GABRA1: variants seen among roughly 807,000 people sequenced by gnomAD.
GABRA1 encodes the protein gamma-aminobutyric acid receptor subunit alpha-1.
In GABRA1, 9 loss-of-function variants were observed where a neutral mutation model predicts 48.9. That is an observed-to-expected ratio of 0.18 (90% confidence interval 0.11 to 0.32). The LOEUF (loss-of-function observed/expected upper bound fraction) is 0.32, where lower values mean the gene tolerates loss of function less well. Ranked by LOEUF, GABRA1 falls within the 10% of genes least tolerant of loss-of-function variation. GABRA1 has a pLI of 1.00. For synonymous variants in GABRA1, 210 were observed against 198.7 expected (o/e 1.06, Z -0.48); for missense variants, 285 against 553.8 (o/e 0.51, Z 4.87).
At chr5:161,858,788 C>T (rs1757746182) in intron 3 of GABRA1, among the ~76,000 whole-genome samples, 1 of 151,704 alleles carries the variant, frequency 6.6e-6, no homozygotes, top group South Asian at 2.1e-4. Flanking sequence ...CCTCTCTCTC[C>T]CTGTTAATGG....
At chr5:161,895,609 A>C (rs956124910) in intron 8 of GABRA1, 57 bp from the exon 9 acceptor site, 2 of 1,458,632 alleles carry the variant, frequency 1.4e-6, no homozygotes, top group African/African-American at 2.8e-5. Flanking sequence ...CTGTCCCATC[A>C]TGATGAAATT....
chr5:161,849,193 A>T (rs1332671924), intron 1 of GABRA1, among the ~76,000 whole-genome samples: 1 of 152,170 alleles, frequency 6.6e-6, no homozygotes, highest in African/African-American at 2.4e-5. Context: ...TCTTTTAAAA[A>T]TGTCAGAAGA....
intron 3 of GABRA1, among the ~76,000 whole-genome samples, chr5:161,862,270 C>A (rs1431400803): frequency 2.0e-5 from 3 of 151,850 alleles, no homozygotes; most frequent in African/African-American, 7.2e-5. Flanking sequence ...TCCCACCTAC[C>A]TCTAGATTGT....
chr5:161,880,588 T>C (rs896300151), intron 6 of GABRA1, among the ~76,000 whole-genome samples: 7 of 152,204 alleles, frequency 4.6e-5, no homozygotes, highest in Non-Finnish European at 7.3e-5. Context: ...AACCACTAAA[T>C]TTTTAGTTCA....
Position 161,898,918 on chromosome 5 carries a change from T to C in GABRA1, c.*1496T>C, listed in dbSNP as rs558722133. 2 of 152,686 alleles carry C rather than the reference T, an allele frequency of 1.3e-5. No homozygotes were observed. The highest frequency in any genetic ancestry group is 4.8e-5 in the African/African-American group (2 of 41,580). The allele number at this position is 152,686 out of a possible 1,614,324, so 9.5% of individuals were successfully genotyped here. A position where few individuals can be genotyped will look rare whatever the true frequency, so the allele number is the denominator to read the frequency against. ...CATTTATACTGTAGCAATATATTTG[T>C]AGGTATACTATGTAAGGGCTTTAAA... is the stretch of plus-strand genomic sequence containing the variant. On this transcript the variant is annotated 3_prime_UTR_variant, in exon 10 of 10. Coordinates refer to ENST00000393943, the MANE Select transcript of GABRA1 (RefSeq NM_001127644.2).
chr5:161,893,830 AT>A (rs1414160756), intron 8 of GABRA1, among the ~76,000 whole-genome samples: 2 of 152,230 alleles, frequency 1.3e-5, no homozygotes, highest in Non-Finnish European at 2.9e-5. Flanking sequence ...AATAAAAAAA[AT>A]ATACATTGTC....
chr5:161,862,414 T>C (rs1016165882), intron 3 of GABRA1, among the ~76,000 whole-genome samples: 5 of 151,872 alleles, frequency 3.3e-5, no homozygotes, highest in African/African-American at 1.2e-4. Flanking sequence ...ATTTTTTTCC[T>C]CTCCTTAATG....
At chr5:161,850,913 GA>G in intron 2 of GABRA1, 29 bp downstream of exon 2, 1 of 1,565,614 alleles carries the variant, frequency 6.4e-7, no homozygotes, top group Non-Finnish European at 8.8e-7. Context: ...AAATCTGCAT[GA>G]AAATTTCTGT....
chr5:161,873,159 G>T lies in GABRA1; in HGVS notation c.298G>T (p.Glu100Ter). 1 of 1,613,720 alleles carries T rather than the reference G, an allele frequency of 6.2e-7. No homozygotes were observed. Among genetic ancestry groups the T allele is most frequent in the Non-Finnish European group, 8.5e-7 (1 of 1,179,692 alleles). Reference sequence around the variant, plus strand: ...ATTTTTCCGTCAAAGCTGGAAGGATGAAAGGTTAAAATTTAAAGGACCTAT... The same window carrying T: ...ATTTTTCCGTCAAAGCTGGAAGGATTAAAGGTTAAAATTTAAAGGACCTAT... The part of the protein sequence containing the change: ...DVFFRQSWKD[E>*]RLKFKGPMTV... The change falls in exon 5 of 10, where the codon GAA becomes TAA. Residue 100 changes from glutamate (E) to a stop codon, truncating the protein, a stop_gained. Transcript: ENST00000393943. LOFTEE classifies it high-confidence loss of function.
intron 8 of GABRA1, among the ~76,000 whole-genome samples, chr5:161,895,389 G>A (rs1389398579): frequency 2.6e-5 from 4 of 152,086 alleles, no homozygotes; most frequent in Non-Finnish European, 5.9e-5. Context: ...CATGTTCAAA[G>A]CGCCAATTTA....
At chr5:161,850,387 G>A (rs1757390788) in intron 1 of GABRA1, 1 of 394,836 alleles carries the variant, frequency 2.5e-6, no homozygotes, top group African/African-American at 2.1e-5. Flanking sequence ...AGAGACACCA[G>A]CTTAAAAATT....
At chr5:161,875,954 C>T in intron 6 of GABRA1, among the ~76,000 whole-genome samples, 1 of 152,086 alleles carries the variant, frequency 6.6e-6, no homozygotes, top group Non-Finnish European at 1.5e-5. Flanking sequence ...ATAATATTTT[C>T]CTCTCAATTA....
Position 161,897,631 on chromosome 5 carries a change from C to A in GABRA1, c.*209C>A. 9 of 551,410 alleles carry A rather than the reference C, an allele frequency of 1.6e-5. No individual in the cohort carries two copies. Among genetic ancestry groups the A allele is most frequent in the Admixed American group, 3.4e-5 (1 of 29,408 alleles). 34.2% of individuals were successfully genotyped at this position (551,410 alleles called of 1,614,324 possible). A position where few individuals can be genotyped will look rare whatever the true frequency, so the allele number is the denominator to read the frequency against. On this transcript the variant is annotated 3_prime_UTR_variant, in exon 10 of 10. Transcript: ENST00000393943. ...GCTTGGAGACAGGATTCTGACAGAG[C>A]AAGCGAAAGAGCAAAGTCATGTCAG...
chr5:161,865,723 C>A lies in GABRA1; in HGVS notation c.190C>A (p.Arg64Ser). ...DNRLRPGLGE[R>S]VTEVKTDIFV... is the part of the protein sequence containing the mutation. ...CGCCCAATTTCCTGCTTCAACAGAG[C>A]GTGTAACCGAAGTGAAGACTGATAT... is the stretch of plus-strand genomic sequence containing the variant. The change falls in exon 4 of 10, where the codon CGT becomes AGT. Residue 64 changes from arginine to serine, a missense_variant and splice_region_variant. By Grantham distance (110) the Arg-to-Ser change is moderately radical (BLOSUM62 -1). This residue lies in a region of GABRA1 where 105 missense variants were observed against 267.4 expected (regional missense o/e 0.39). Transcript: ENST00000393943. The A allele has an allele frequency of 6.2e-7, 1 of 1,612,652 alleles. No individual in the cohort carries two copies. The highest frequency in any genetic ancestry group is 8.5e-7 in the Non-Finnish European group (1 of 1,178,916).
chr5:161,882,236 T>A, intron 6 of GABRA1: 3 of 378,398 alleles, frequency 7.9e-6, no homozygotes, highest in Non-Finnish European at 1.5e-5. Context: ...TATTTGCTTA[T>A]ATGTTTTTGT....
At chr5:161,861,573 G>T (rs919676312) in intron 3 of GABRA1, among the ~76,000 whole-genome samples, 1 of 151,126 alleles carries the variant, frequency 6.6e-6, no homozygotes, top group Non-Finnish European at 1.5e-5. Context: ...TGAAACTTGG[G>T]TGTCTACCCC....
At chr5:161,871,755 G>A (rs766367594) in intron 4 of GABRA1, among the ~76,000 whole-genome samples, 4 of 152,102 alleles carry the variant, frequency 2.6e-5, no homozygotes, top group Non-Finnish European at 5.9e-5. Context: ...TCCTAACCAG[G>A]AAACAAGGTA....
intron 8 of GABRA1, among the ~76,000 whole-genome samples, chr5:161,893,009 A>AATAAT (rs3078111): frequency 0.049 from 6,019 of 122,358 alleles, 173 homozygotes; most frequent in Admixed American, 0.066. Context: ...CTTCTCAAAA[A>AATAAT]AATAATAATA....
chr5:161,891,871 AATC>A (rs1755106448), intron 8 of GABRA1, among the ~76,000 whole-genome samples: 6 of 152,312 alleles, frequency 3.9e-5, no homozygotes, highest in Admixed American at 3.9e-4. Flanking sequence ...AAAATTGAGT[AATC>A]ATAAAATCAA....
Sources: allele counts gnomAD v4.1 joint callset (sites outside exome capture counted in the v4.1 genomes callset), GRCh38; gene constraint gnomAD v4.1.1; regional missense constraint gnomAD v4.1.1; transcripts MANE v1.5; gene names NCBI Gene and HGNC (gene_info 2026-07-23, HGNC 2026-07-21).